Variants in ARHGEF11 observed in about 807,000 individuals in gnomAD.
The protein encoded by ARHGEF11 is Rho guanine exchange factor (GEF) 11.
In ARHGEF11, 55 loss-of-function variants were observed where a neutral mutation model predicts 193.7. That is an observed-to-expected ratio of 0.28 (90% CI 0.23 to 0.36). The LOEUF is 0.36. Ranked by LOEUF, ARHGEF11 falls within the 10% of genes least tolerant of loss-of-function variation. The pLI is 1.00. For synonymous variants in ARHGEF11, 693 were observed against 768.0 expected (o/e 0.90, Z 1.62); for missense variants, 1,723 against 2,005.6 (o/e 0.86, Z 2.69).
intron 4 of ARHGEF11, 65 bp downstream of exon 4, chr1:156,980,372 G>A: frequency 6.4e-7 from 1 of 1,552,816 alleles, no homozygotes; most frequent in South Asian, 1.2e-5. Context: ...ATGGGCCAAG[G>A]CCAGGAGTGC....
Position 157,045,016 on chromosome 1 carries a change from C to G in ARHGEF11, c.-686G>C, listed in dbSNP as rs1263055172. On this transcript the variant is annotated 5_prime_UTR_variant, in exon 1 of 41. Coordinates refer to ENST00000368194, the MANE Select transcript of ARHGEF11 (RefSeq NM_198236.3). ...CCTGGGAACCAAAATTTATGGACTT[C>G]CTTAAAAAAAAAAAAGCTTTTACAT... The G allele has an allele frequency of 2.0e-5, 3 of 150,310 alleles. No individual in the cohort carries two copies. The highest frequency in any genetic ancestry group is 2.9e-5 in the Non-Finnish European group (2 of 67,826). The allele number at this position is 150,310 out of a possible 1,614,324, so 9.3% of individuals were successfully genotyped here.
At chr1:156,942,345 T>G (rs574688467) in intron 33 of ARHGEF11, among the ~76,000 whole-genome samples, 2 of 152,364 alleles carry the variant, frequency 1.3e-5, no homozygotes, top group East Asian at 3.9e-4. Flanking sequence ...CTCTGGCAGC[T>G]GCTGTCAAAG....
chr1:157,012,284 T>C (rs1429903671), intron 1 of ARHGEF11, among the ~76,000 whole-genome samples: 1 of 152,018 alleles, frequency 6.6e-6, no homozygotes, highest in Non-Finnish European at 1.5e-5. Flanking sequence ...AATAGGCAAA[T>C]TCATAGAGAC....
At position 156,935,999 on chromosome 1, in the gene ARHGEF11, G is replaced by GT. The variant is rs765736128; in HGVS notation, c.4689dup. 6.8e-6 allele frequency: 11 copies of GT among 1,613,120 alleles called. No individual in the cohort carries two copies. Among genetic ancestry groups the GT allele is most frequent in the Non-Finnish European group, 9.3e-6 (11 of 1,179,556 alleles). ...CGCAGAGGATTTGGTGGTTTGTACG[G>GT]TTATGGTCCTGGTGACGCGGCTGCG... is the stretch of plus-strand genomic sequence containing the variant. On this transcript the variant is annotated 3_prime_UTR_variant, in exon 41 of 41. Transcript: ENST00000368194.
Position 156,986,168 on chromosome 1 carries a change from C to T in ARHGEF11, c.38G>A (p.Ser13Asn), listed in dbSNP as rs1664891793. The change falls in exon 2 of 41, where the codon AGT (serine) becomes AAT (asparagine). Residue 13 changes from serine to asparagine, a missense_variant. Ser to Asn is a conservative substitution (Grantham distance 46, BLOSUM62 1). This residue lies in a region of ARHGEF11 where 646 missense variants were observed against 710.7 expected (regional missense o/e 0.91). Coordinates refer to ENST00000368194, the MANE Select transcript of ARHGEF11 (RefSeq NM_198236.3). Reference protein sequence around the residue: ...VRLPQSIDRLSSLSSLGDSAP... With the variant: ...VRLPQSIDRLNSLSSLGDSAP... The stretch of plus-strand genomic sequence containing the variant: ...AGAATCTCCCAGAGAAGACAGGCTA[C>T]TTAACCTGGAGAAGGAGTAAGGAAA... 2 of 1,613,548 alleles carry T rather than the reference C, an allele frequency of 1.2e-6. No individual in the cohort carries two copies. Among genetic ancestry groups the T allele is most frequent in the Non-Finnish European group, 1.7e-6 (2 of 1,179,618 alleles).
intron 11 of ARHGEF11, among the ~76,000 whole-genome samples, chr1:156,967,495 C>T (rs1220038373): frequency 6.6e-6 from 1 of 152,114 alleles, no homozygotes; most frequent in African/African-American, 2.4e-5. Flanking sequence ...TCAGGTTTTG[C>T]AGAACCTTAG....
intron 1 of ARHGEF11, among the ~76,000 whole-genome samples, chr1:156,989,921 A>C (rs1273240601): frequency 1.3e-5 from 2 of 152,114 alleles, no homozygotes; most frequent in East Asian, 1.9e-4. Flanking sequence ...CTTTACCCCT[A>C]TTTTAGCCTA....
intron 2 of ARHGEF11, chr1:156,985,730 CTTT>C (rs56055266): frequency 4.3e-5 from 6 of 138,242 alleles, no homozygotes; most frequent in Non-Finnish European, 7.8e-5. Context: ...AGCCATGTGC[CTTT>C]TTTTTTTTTT....
rs749972897 is a variant in ARHGEF11, at chr1:156,963,479, CA to C, written c.1038+40del. On this transcript the variant is annotated intron_variant, in intron 12 of 40. Transcript: ENST00000368194. ...TTCTAGTCAAGAGCAGCTTGTATGA[CA>C]AAAAAAAATGATGAAAGGAGAAAAC... is the stretch of plus-strand genomic sequence containing the variant. The C allele has an allele frequency of 3.6e-4, 564 of 1,553,268 alleles. 1 individual carries two copies. The highest frequency in any genetic ancestry group is 7.7e-4 in the Admixed American group (43 of 56,198).
At chr1:156,939,494 A>G (rs994711414) in intron 37 of ARHGEF11, 54 bp downstream of exon 37, 3 of 1,600,274 alleles carry the variant, frequency 1.9e-6, no homozygotes, top group Non-Finnish European at 2.5e-6. Flanking sequence ...CGGAAGACTT[A>G]TCTCACCTAG....
At chr1:157,008,123 AT>A (rs1356724552) in intron 1 of ARHGEF11, among the ~76,000 whole-genome samples, 2 of 152,168 alleles carry the variant, frequency 1.3e-5, no homozygotes, top group African/African-American at 4.8e-5. Flanking sequence ...AAACTCGAAA[AT>A]AATGCAAATC....
intron 1 of ARHGEF11, among the ~76,000 whole-genome samples, chr1:157,027,429 T>C (rs988711162): frequency 2.0e-5 from 3 of 152,000 alleles, no homozygotes; most frequent in Admixed American, 6.6e-5. Context: ...TGTGGGAGTA[T>C]TGACAGATAC....
intron 27 of ARHGEF11, 24 bp from the exon 28 acceptor site, chr1:156,946,811 G>C (rs550659020): frequency 4.6e-5 from 74 of 1,613,740 alleles, no homozygotes; most frequent in Admixed American, 2.2e-4. Context: ...ATGGACACGG[G>C]GCCAGGCATC....
chr1:156,967,868 T>C, intron 11 of ARHGEF11, 119 bp downstream of exon 11: 1 of 1,371,636 alleles, frequency 7.3e-7, no homozygotes, highest in Non-Finnish European at 1.0e-6. Flanking sequence ...GTCTCAAAGT[T>C]TGGGTTGCTG....
chr1:157,016,951 C>G (rs1287257585), intron 1 of ARHGEF11, among the ~76,000 whole-genome samples: 1 of 152,230 alleles, frequency 6.6e-6, no homozygotes, highest in East Asian at 1.9e-4. Context: ...GCTGGGACTA[C>G]AGGCACACCC....
intron 1 of ARHGEF11, among the ~76,000 whole-genome samples, chr1:157,036,188 CATAT>C (rs1264472160): frequency 2.5e-5 from 3 of 118,444 alleles, no homozygotes; most frequent in Non-Finnish European, 3.6e-5. Flanking sequence ...TATATGAATA[CATAT>C]ATGAATATAT....
chr1:156,937,442 T>C lies in ARHGEF11; in HGVS notation c.4247A>G (p.His1416Arg). ...PSGPPDSSTD[H>R]SEAPMSPPQP... is the part of the protein sequence containing the mutation. ...AGGGGGGCTCATGGGTGCCTCTGAG[T>C]GGTCGGTGCTTGAGTCCGGGGGTCC... Residue 1416 changes from histidine to arginine, a missense_variant, in exon 39 of 41, where the codon CAC becomes CGC. Around this residue, in one of 5 missense-constraint regions of ARHGEF11, gnomAD observed 360 missense variants for 344.4 expected, o/e 1.05. Coordinates refer to ENST00000368194, the MANE Select transcript of ARHGEF11 (RefSeq NM_198236.3). 6.4e-7 allele frequency: 1 copy of C among 1,564,440 alleles called. No homozygotes were observed.
chr1:157,034,180 A>G (rs1426939251), intron 1 of ARHGEF11, among the ~76,000 whole-genome samples: 1 of 152,146 alleles, frequency 6.6e-6, no homozygotes, highest in African/African-American at 2.4e-5. Flanking sequence ...CTAGCTGCAC[A>G]CAAGGTCCCA....
At chr1:156,940,058 G>A in intron 36 of ARHGEF11, 148 bp from the exon 37 acceptor site, 1 of 1,418,972 alleles carries the variant, frequency 7.0e-7, no homozygotes, top group Non-Finnish European at 9.4e-7. Context: ...TGGGGGTTGG[G>A]TGGGGAATGA....
Sources: gnomAD v4.1 joint callset for allele counts (sites outside exome capture counted in the v4.1 genomes callset) on GRCh38, gnomAD v4.1.1 for gene constraint, gnomAD v4.1.1 regional missense constraint, MANE v1.5 for transcripts, NCBI Gene and HGNC (gene_info 2026-07-23, HGNC 2026-07-21) for gene names.